The following PSD3 variants were observed in gnomAD, a reference collection of about 807,000 sequenced individuals.
The protein encoded by PSD3 is PH and SEC7 domain-containing protein 3.
PSD3 carries 49 observed loss-of-function variants against 105.5 expected under a neutral mutation model. The observed-to-expected ratio is 0.46, with a 90% CI of 0.37 to 0.59. PSD3 has a LOEUF of 0.59. PSD3 is among the 20% of genes least tolerant of loss of function. The pLI, the probability that PSD3 is intolerant of heterozygous loss-of-function variation, is 0.00. For synonymous variants in PSD3, 557 were observed against 457.8 expected (o/e 1.22, Z -2.77); for missense variants, 1,561 against 1,263.8 (o/e 1.24, Z -3.57).
chr8:18,952,106 A>C (rs1400480473), intron 1 of PSD3, among the ~76,000 whole-genome samples: 2 of 152,176 alleles, frequency 1.3e-5, no homozygotes, highest in Non-Finnish European at 2.9e-5. Flanking sequence ...GATGCCAGTC[A>C]CCTTTGTTCT....
rs1799652008 is a variant in PSD3 at position 18,531,999 on chromosome 8, A to G, written c.*3744T>C. On this transcript the variant is annotated 3_prime_UTR_variant, in exon 16 of 16. Coordinates refer to ENST00000327040, the MANE Select transcript of PSD3 (RefSeq NM_015310.4). ...ACATGCTTAACTGATGACTGCAAGG[A>G]AAAATGCCAAAGGAACTCAATTTCA... 6.6e-6 allele frequency: 1 copy of G among 152,242 alleles called. No individual in the cohort carries two copies. The highest frequency in any genetic ancestry group is 1.5e-5 in the Non-Finnish European group (1 of 68,038). 9.4% of individuals were successfully genotyped at this position (152,242 alleles called of 1,614,324 possible). A position where few individuals can be genotyped will look rare whatever the true frequency, so the allele number is the denominator to read the frequency against.
At chr8:18,600,225 G>A (rs2634459) in intron 12 of PSD3, 139 bp downstream of exon 12, 602,835 of 752,742 alleles carry the variant, frequency 0.8, 243,734 homozygotes, top group South Asian at 0.89. Flanking sequence ...GGAATTCTCC[G>A]CTGAAAATTT....
chr8:18,773,970 T>C (rs992858247), intron 8 of PSD3, among the ~76,000 whole-genome samples: 3 of 152,240 alleles, frequency 2.0e-5, no homozygotes, highest in African/African-American at 7.2e-5. Context: ...TATTCTCTAA[T>C]ATCTTGATTT....
intron 11 of PSD3, among the ~76,000 whole-genome samples, chr8:18,606,769 A>C (rs1174743241): frequency 6.6e-6 from 1 of 152,176 alleles, no homozygotes; most frequent in Non-Finnish European, 1.5e-5. Context: ...CATTAAGATA[A>C]AATGGAAGGA....
At chr8:18,803,994 C>T (rs919479990) in intron 6 of PSD3, among the ~76,000 whole-genome samples, 4 of 152,150 alleles carry the variant, frequency 2.6e-5, no homozygotes, top group African/African-American at 9.7e-5. Flanking sequence ...CTACAGATGG[C>T]ATTTTTTATC....
intron 9 of PSD3, among the ~76,000 whole-genome samples, chr8:18,669,976 C>T (rs950913908): frequency 2.0e-5 from 3 of 152,108 alleles, no homozygotes; most frequent in Admixed American, 6.5e-5. Flanking sequence ...GAACAACAGA[C>T]ACAGAACTTA....
intron 15 of PSD3, among the ~76,000 whole-genome samples, chr8:18,543,152 C>T (rs187100171): frequency 6.6e-6 from 1 of 152,182 alleles, no homozygotes; most frequent in Admixed American, 6.5e-5. Flanking sequence ...CTAAAATTTG[C>T]TGTTTTGATA....
intron 4 of PSD3, among the ~76,000 whole-genome samples, chr8:18,808,441 A>C (rs953517679): frequency 6.6e-6 from 1 of 152,144 alleles, no homozygotes; most frequent in African/African-American, 2.4e-5. Context: ...TATTACCCAA[A>C]ATCATTCCAT....
chr8:18,943,555 A>G (rs563245138), intron 1 of PSD3, among the ~76,000 whole-genome samples: 1 of 152,288 alleles, frequency 6.6e-6, no homozygotes, highest in Non-Finnish European at 1.5e-5. Context: ...CATCCAAAGG[A>G]CAAGGGAATG....
intron 11 of PSD3, among the ~76,000 whole-genome samples, chr8:18,619,280 C>A (rs1054554310): frequency 6.6e-6 from 1 of 152,080 alleles, no homozygotes; most frequent in Non-Finnish European, 1.5e-5. Flanking sequence ...ACCAGCATTA[C>A]GGTTAAAATG....
Position 18,804,534 on chromosome 8 carries a change from T to C in PSD3, c.1898A>G (p.Asp633Gly), listed in dbSNP as rs1420669114. Residue 633 changes from aspartate (D) to glycine (G), a missense_variant, in exon 6 of 16, where the codon GAT (aspartate) becomes GGT (glycine). Transcript: ENST00000327040. ...GGCTTAGTCATACCTGAGTGACTGA[T>C]CCAGCGTCATTCCTGTAAAATCAAA... Reference protein sequence around the residue: ...KFFDFTGMTLDQSLRYFFKAF... With the variant: ...KFFDFTGMTLGQSLRYFFKAF... The C allele has an allele frequency of 6.2e-7, 1 of 1,610,852 alleles. No homozygotes were observed. Among genetic ancestry groups the C allele is most frequent in the African/African-American group, 1.3e-5 (1 of 74,870 alleles).
In PSD3 at chr8:18,889,427, C is replaced by T. The variant is rs138506532; in HGVS notation, c.131-16694G>A. ...ATACAAACCAACCAATCCAGAGCCA[C>T]AGCAGGTAATATTCCCCCATCCTAA... On this transcript the variant is annotated intron_variant, in intron 2 of 15. Coordinates refer to ENST00000327040, the MANE Select transcript of PSD3 (RefSeq NM_015310.4). 5.5e-3 allele frequency among the ~76,000 whole-genome samples: 833 copies of T among 152,270 alleles called. 4 individuals are homozygous for T. The highest frequency in any genetic ancestry group is 0.019 in the African/African-American group (802 of 41,554).
chr8:18,993,096 T>C (rs571174548), intron 1 of PSD3, among the ~76,000 whole-genome samples: 106 of 152,310 alleles, frequency 7.0e-4, no homozygotes, highest in African/African-American at 2.3e-3. Context: ...CTCTGTCCCA[T>C]TAAAATTGGA....
At chr8:19,023,082 T>C (rs1179336265) in intron 1 of PSD3, among the ~76,000 whole-genome samples, 5 of 152,158 alleles carry the variant, frequency 3.3e-5, no homozygotes, top group African/African-American at 4.8e-5. Context: ...ACCTCCATCA[T>C]AGAGTCTTAT....
chr8:18,576,889 CTT>C lies in PSD3; in HGVS notation c.2482-1606_2482-1605del, dbSNP rs71217384. On this transcript the variant is annotated intron_variant, in intron 12 of 15. Transcript: ENST00000327040. ...AGGTTAGCCTAGAAATTTGTGTGTACTTTTTTTTTTTTTATATTCTAGGTCCA... is the reference window on the plus strand; with the variant it reads ...AGGTTAGCCTAGAAATTTGTGTGTACTTTTTTTTTTTATATTCTAGGTCCA... Among the ~76,000 whole-genome samples the C allele has an allele frequency of 4.6e-4, 67 of 146,186 alleles. No individual in the cohort carries two copies. In the East Asian group the frequency reaches 6.4e-3, roughly 14 times the overall value.
chr8:19,031,812 T>C (rs1419223384), intron 1 of PSD3, among the ~76,000 whole-genome samples: 2 of 152,204 alleles, frequency 1.3e-5, no homozygotes, highest in African/African-American at 2.4e-5. Context: ...CTCATAGAAC[T>C]GAACTAAAAC....
chr8:19,009,820 G>A (rs964366936), intron 1 of PSD3, among the ~76,000 whole-genome samples: 11 of 145,372 alleles, frequency 7.6e-5, no homozygotes, highest in Non-Finnish European at 5.9e-5. Context: ...GAGTCTGAGA[G>A]GCAGGGGTTG....
intron 1 of PSD3, among the ~76,000 whole-genome samples, chr8:19,027,503 A>G (rs1320551354): frequency 2.0e-5 from 3 of 152,208 alleles, no homozygotes; most frequent in Admixed American, 6.5e-5. Context: ...ATGAGAGTTG[A>G]CAAATGTATA....
intron 8 of PSD3, among the ~76,000 whole-genome samples, chr8:18,797,418 C>T (rs1229106614): frequency 6.6e-6 from 1 of 152,086 alleles, no homozygotes; most frequent in Admixed American, 6.6e-5. Flanking sequence ...AAACTCTTTT[C>T]CATCCCAGTT....
Sources: gnomAD v4.1 joint callset for allele counts (sites outside exome capture counted in the v4.1 genomes callset) on GRCh38, gnomAD v4.1.1 for gene constraint, MANE v1.5 for transcripts, NCBI Gene and HGNC (gene_info 2026-07-23, HGNC 2026-07-21) for gene names.